The following CSMD1 variants were observed in gnomAD, a reference collection of about 807,000 sequenced individuals.
CSMD1 encodes the protein CUB and sushi domain-containing protein 1.
CSMD1 carries 213 observed loss-of-function variants against 417.5 expected under a neutral mutation model. The observed-to-expected ratio is 0.51, with a 90% CI of 0.46 to 0.57. The LOEUF is 0.57. CSMD1 is among the 20% of genes least tolerant of loss of function. The pLI, the probability that CSMD1 is intolerant of heterozygous loss-of-function variation, is 0.00. For synonymous variants in CSMD1, 2,862 were observed against 1,736.8 expected (o/e 1.65, Z -16.11); for missense variants, 6,923 against 4,529.7 (o/e 1.53, Z -15.17).
chr8:4,378,982 C>T (rs577345163), intron 3 of CSMD1, among the ~76,000 whole-genome samples: 1 of 152,068 alleles, frequency 6.6e-6, no homozygotes, highest in Admixed American at 6.6e-5. Context: ...ATTTTGTAAT[C>T]ACAGCTCAGA....
At chr8:4,473,637 G>C (rs915688766) in intron 2 of CSMD1, among the ~76,000 whole-genome samples, 5 of 152,232 alleles carry the variant, frequency 3.3e-5, no homozygotes, top group East Asian at 1.9e-4. Context: ...GGGGAGTTTA[G>C]TTTCCTTTAT....
intron 3 of CSMD1, among the ~76,000 whole-genome samples, chr8:4,314,308 A>G (rs1374774621): frequency 6.6e-6 from 1 of 152,212 alleles, no homozygotes; most frequent in East Asian, 1.9e-4. Context: ...AAAGAAGAAG[A>G]AAATACATTC....
At chr8:4,962,196 T>A (rs537866361) in intron 1 of CSMD1, among the ~76,000 whole-genome samples, 1,774 of 143,264 alleles carry the variant, frequency 0.012, 35 homozygotes, top group African/African-American at 0.042. Context: ...TGCTTTTTTT[T>A]TAAAAAAAAA....
At position 4,645,539 on chromosome 8, in the gene CSMD1, C is replaced by T. The variant is rs188714178; in HGVS notation, c.86-7981G>A. 3.2e-3 allele frequency among the ~76,000 whole-genome samples: 482 copies of T among 149,080 alleles called. 8 individuals carry two copies. The highest frequency in any genetic ancestry group is 2.3e-3 in the South Asian group (11 of 4,692). The stretch of plus-strand genomic sequence containing the variant: ...TTAATTTGCTGCATGGAGCATTAAG[C>T]CTTGAACATATTGCCTCATGGATAT... On this transcript the variant is annotated intron_variant, in intron 1 of 69. Coordinates refer to ENST00000635120, the MANE Select transcript of CSMD1 (RefSeq NM_033225.6).
At chr8:3,157,807 T>G (rs1229178420) in intron 39 of CSMD1, 90 bp downstream of exon 39, 25 of 1,047,534 alleles carry the variant, frequency 2.4e-5, no homozygotes, top group African/African-American at 1.1e-4. Context: ...TTAAGAAATT[T>G]AGAAGTGCAT....
intron 2 of CSMD1, among the ~76,000 whole-genome samples, chr8:4,541,902 G>C (rs950604936): frequency 6.6e-6 from 1 of 152,112 alleles, no homozygotes; most frequent in Non-Finnish European, 1.5e-5. Context: ...CGCACCTGTA[G>C]CTGCACTCTG....
intron 1 of CSMD1, among the ~76,000 whole-genome samples, chr8:4,685,771 A>T (rs994420002): frequency 6.6e-6 from 1 of 152,176 alleles, no homozygotes; most frequent in Admixed American, 6.5e-5. Context: ...GTGAGAAAAA[A>T]ATATTTATTA....
At chr8:3,963,561 TA>T (rs770009066) in intron 5 of CSMD1, among the ~76,000 whole-genome samples, 1 of 152,310 alleles carries the variant, frequency 6.6e-6, no homozygotes, top group South Asian at 2.1e-4. Flanking sequence ...TATTTCAATT[TA>T]AAAATATTAA....
At chr8:3,846,115 A>T (rs1457537304) in intron 5 of CSMD1, among the ~76,000 whole-genome samples, 1 of 152,184 alleles carries the variant, frequency 6.6e-6, no homozygotes, top group African/African-American at 2.4e-5. Flanking sequence ...TATAGTAATT[A>T]TATAAACCAG....
At chr8:3,784,781 C>A (rs1222226460) in intron 5 of CSMD1, among the ~76,000 whole-genome samples, 1 of 152,186 alleles carries the variant, frequency 6.6e-6, no homozygotes, top group Non-Finnish European at 1.5e-5. Flanking sequence ...CAATTCCACT[C>A]ATATTTACAT....
chr8:4,859,977 G>T (rs963520224), intron 1 of CSMD1, among the ~76,000 whole-genome samples: 29 of 152,046 alleles, frequency 1.9e-4, no homozygotes, highest in African/African-American at 5.8e-4. Context: ...TTATTGCCGC[G>T]TTATTCACGA....
chr8:4,919,822 G>C (rs1222354010), intron 1 of CSMD1, among the ~76,000 whole-genome samples: 1 of 152,146 alleles, frequency 6.6e-6, no homozygotes. Flanking sequence ...ATGACCCAGA[G>C]TTCATCCCCT....
Position 3,611,084 on chromosome 8 carries a change from G to A in CSMD1, c.1097+5626C>T, listed in dbSNP as rs370429722. On this transcript the variant is annotated intron_variant, in intron 8 of 69. Coordinates refer to ENST00000635120, the MANE Select transcript of CSMD1 (RefSeq NM_033225.6). ...ACATCACACTCTGCGAACTGTTGTG[G>A]GGTGGGGGGAGGGGGGAGGGATAGC... Among the ~76,000 whole-genome samples the A allele has an allele frequency of 7.0e-4, 75 of 107,654 alleles. 1 individual carries two copies. The East Asian group carries it at 0.024, about 34-fold the overall frequency. 70.6% of individuals were successfully genotyped at this position (107,654 alleles called of 152,430 possible).
chr8:4,250,477 G>A (rs1476821036), intron 3 of CSMD1, among the ~76,000 whole-genome samples: 2 of 151,910 alleles, frequency 1.3e-5, no homozygotes. Flanking sequence ...CACGTGACTT[G>A]GTATTCTGAG....
chr8:3,966,894 G>C (rs547618034), intron 5 of CSMD1, among the ~76,000 whole-genome samples: 3 of 152,300 alleles, frequency 2.0e-5, no homozygotes, highest in Middle Eastern at 6.8e-3. Context: ...CAGATTTTCA[G>C]TATGACTTGA....
At chr8:4,052,407 G>C (rs1318055117) in intron 3 of CSMD1, among the ~76,000 whole-genome samples, 1 of 152,190 alleles carries the variant, frequency 6.6e-6, no homozygotes, top group African/African-American at 2.4e-5. Flanking sequence ...ATTTCTCCAA[G>C]TTCCATATTG....
Position 4,396,573 on chromosome 8 carries a change from G to A in CSMD1, c.415+23380C>T, listed in dbSNP as rs539626264. ...GCAGCAAAATTCGCAACTGCAACCA[G>A]CCTAAATGCCCATCAAGCAATGAGT... On this transcript the variant is annotated intron_variant, in intron 3 of 69. Coordinates refer to ENST00000635120, the MANE Select transcript of CSMD1 (RefSeq NM_033225.6). Among the ~76,000 whole-genome samples, 28 of 151,914 alleles carry A rather than the reference G, an allele frequency of 1.8e-4. 1 individual carries two copies. In the South Asian group the frequency reaches 5.2e-3, roughly 28 times the overall value.
chr8:2,990,757 G>C (rs1056905870), intron 54 of CSMD1, among the ~76,000 whole-genome samples: 6 of 152,168 alleles, frequency 3.9e-5, no homozygotes, highest in South Asian at 4.1e-4. Flanking sequence ...CTGGAAGAGC[G>C]AGAAGCGATG....
At chr8:4,060,063 A>C (rs1798892215) in intron 3 of CSMD1, among the ~76,000 whole-genome samples, 1 of 152,210 alleles carries the variant, frequency 6.6e-6, no homozygotes, top group African/African-American at 2.4e-5. Flanking sequence ...TGGCAAACCG[A>C]ATCCAGCAGC....
Sources: gnomAD v4.1 joint callset for allele counts (sites outside exome capture counted in the v4.1 genomes callset) on GRCh38, gnomAD v4.1.1 for gene constraint, MANE v1.5 for transcripts, NCBI Gene and HGNC (gene_info 2026-07-23, HGNC 2026-07-21) for gene names.